Variants in NECTIN3 observed in about 807,000 individuals in gnomAD.
The protein encoded by NECTIN3 is nectin cell adhesion molecule 3.
Under a neutral mutation model 49.4 loss-of-function variants are expected in NECTIN3, and 8 were observed. The observed-to-expected ratio is 0.16, with a 90% CI of 0.10 to 0.29. The LOEUF (loss-of-function observed/expected upper bound fraction) is 0.29, where lower values mean the gene tolerates loss of function less well. NECTIN3 is among the 10% of genes least tolerant of loss of function. The probability of loss-of-function intolerance (pLI) is 1.00; values close to 1 mark genes in which losing one functional copy is unlikely to be tolerated. For synonymous variants in NECTIN3, 277 were observed against 241.1 expected, an observed-to-expected ratio of 1.15 and a Z score of -1.38; for missense variants, 581 against 654.6, an observed-to-expected ratio of 0.89 and a Z score of 1.23.
At chr3:111,143,547 T>A (rs2034801705) in intron 5 of NECTIN3, among the ~76,000 whole-genome samples, 1 of 151,984 alleles carries the variant, frequency 6.6e-6, no homozygotes, top group Admixed American at 6.6e-5. Context: ...AAAATACTTA[T>A]AAATATGTAT....
At chr3:111,171,766 TAA>T (rs1188211476) in intron 7 of NECTIN3, among the ~76,000 whole-genome samples, 1 of 148,674 alleles carries the variant, frequency 6.7e-6, no homozygotes. Flanking sequence ...CCTGGTAAGT[TAA>T]AAAAAAAAAT....
intron 7 of NECTIN3, among the ~76,000 whole-genome samples, chr3:111,165,834 G>T (rs561394264): frequency 1.3e-5 from 2 of 152,142 alleles, no homozygotes; most frequent in African/African-American, 4.8e-5. Flanking sequence ...GAAATTGCCT[G>T]GTCTGAATTG....
Position 111,116,549 on chromosome 3 carries a change from A to T in NECTIN3, c.503-2107A>T, listed in dbSNP as rs532769792. Among the ~76,000 whole-genome samples, 144 of 152,234 alleles carry T rather than the reference A, an allele frequency of 9.5e-4. 1 individual carries two copies. Among genetic ancestry groups the T allele is most frequent in the African/African-American group, 3.2e-3 (131 of 41,562 alleles). ...TTTTAGATTAGGGGTCTTTGATGAC[A>T]TTAGAGTTTCAATGGAGTGGTAGTA... On this transcript the variant is annotated intron_variant, in intron 2 of 5. Transcript: ENST00000485303.
chr3:111,120,957 G>A (rs1269599963), intron 3 of NECTIN3, among the ~76,000 whole-genome samples: 1 of 149,852 alleles, frequency 6.7e-6, no homozygotes, highest in African/African-American at 2.5e-5. Flanking sequence ...TGTATATAAA[G>A]TCTGTGTGTA....
intron 1 of NECTIN3, among the ~76,000 whole-genome samples, chr3:111,079,219 A>G (rs546381859): frequency 1.3e-5 from 2 of 152,170 alleles, no homozygotes; most frequent in South Asian, 4.1e-4. Context: ...CTTAGGCCCT[A>G]GTTTTGAAGA....
chr3:111,105,284 C>T (rs1011375142), intron 1 of NECTIN3, among the ~76,000 whole-genome samples: 1 of 151,766 alleles, frequency 6.6e-6, no homozygotes, highest in African/African-American at 2.4e-5. Flanking sequence ...CTGGGGTGAG[C>T]CACCATGCCT....
chr3:111,126,991 T>C (rs1184364552), intron 5 of NECTIN3, among the ~76,000 whole-genome samples: 1 of 152,172 alleles, frequency 6.6e-6, no homozygotes, highest in Non-Finnish European at 1.5e-5. Context: ...ATACATCTTT[T>C]CCTGGTTGTG....
intron 1 of NECTIN3, among the ~76,000 whole-genome samples, chr3:111,109,974 G>C (rs1447528197): frequency 2.6e-5 from 4 of 151,798 alleles, no homozygotes; most frequent in African/African-American, 9.7e-5. Context: ...AAATATTAAT[G>C]TTTACAAATT....
In NECTIN3 at chr3:111,137,212, T is replaced by G. The variant is rs766551978; in HGVS notation, c.*2997T>G. On this transcript the variant is annotated 3_prime_UTR_variant, in exon 6 of 6. Transcript: ENST00000485303. ...TATGAACAAGTAAGAAGTTTATGTATGAAAGTAATCAATGTAAAATATAAG... is the reference window on the plus strand; with the variant it reads ...TATGAACAAGTAAGAAGTTTATGTAGGAAAGTAATCAATGTAAAATATAAG... 2 of 937,752 alleles carry G rather than the reference T, an allele frequency of 2.1e-6. No individual in the cohort carries two copies. Among genetic ancestry groups the G allele is most frequent in the Non-Finnish European group, 2.5e-6 (2 of 786,964 alleles). 58.1% of individuals were successfully genotyped at this position (937,752 alleles called of 1,614,324 possible).
intron 7 of NECTIN3, among the ~76,000 whole-genome samples, chr3:111,158,411 TATCA>T (rs777002392): frequency 5.3e-5 from 8 of 152,092 alleles, no homozygotes; most frequent in Non-Finnish European, 1.0e-4. Context: ...TTCTTTAGAC[TATCA>T]ATCCTGTTTA....
rs768689174 is a variant in NECTIN3 at position 111,126,208 on chromosome 3, T to C, written c.942T>C (p.Gly314=). The C allele has an allele frequency of 8.7e-6, 14 of 1,600,614 alleles. No homozygotes were observed. The Admixed American group carries it at 1.2e-4, about 14-fold the overall frequency. The change falls in exon 5 of 6, where the codon GGT becomes GGC. Residue 314 remains glycine (G), a synonymous_variant. Coordinates refer to ENST00000485303, the MANE Select transcript of NECTIN3 (RefSeq NM_015480.3). The part of the protein sequence containing the change: ...WSRLDGQWPD[G]LLASDNTLHF... ...GGTTGGATGGACAATGGCCTGATGG[T>C]TTATTGGCTTCAGACAATACTCTTC...
chr3:111,193,987 T>C (rs966313215), intron 1 of NECTIN3, among the ~76,000 whole-genome samples: 11 of 152,174 alleles, frequency 7.2e-5, no homozygotes, highest in African/African-American at 2.7e-4. Flanking sequence ...TATTATGATA[T>C]ATATTCTTTG....
At chr3:111,179,953 G>C (rs988185452) in intron 7 of NECTIN3, among the ~76,000 whole-genome samples, 1 of 151,404 alleles carries the variant, frequency 6.6e-6, no homozygotes, top group Admixed American at 6.6e-5. Flanking sequence ...TGTGATGGCA[G>C]TCTGCACTGA....
chr3:111,134,951 A>G lies in NECTIN3; in HGVS notation c.*736A>G. 1 of 981,086 alleles carries G rather than the reference A, an allele frequency of 1.0e-6. No homozygotes were observed. Among genetic ancestry groups the G allele is most frequent in the Non-Finnish European group, 1.2e-6 (1 of 826,548 alleles). 60.8% of individuals were successfully genotyped at this position (981,086 alleles called of 1,614,324 possible). On this transcript the variant is annotated 3_prime_UTR_variant, in exon 6 of 6. Coordinates refer to ENST00000485303, the MANE Select transcript of NECTIN3 (RefSeq NM_015480.3). ...TACCTGCAAGAGTAATAAAATACATACCTTTCAAACATGATAATTATTAGT... is the reference window on the plus strand; with the variant it reads ...TACCTGCAAGAGTAATAAAATACATGCCTTTCAAACATGATAATTATTAGT...
intron 1 of NECTIN3, among the ~76,000 whole-genome samples, chr3:111,107,559 T>G (rs1046376260): frequency 3.3e-5 from 5 of 152,168 alleles, no homozygotes; most frequent in Admixed American, 2.0e-4. Context: ...TTCCTTTGCC[T>G]CTTTATATTC....
chr3:111,128,400 A>G (rs2034255815), intron 5 of NECTIN3, among the ~76,000 whole-genome samples: 1 of 151,984 alleles, frequency 6.6e-6, no homozygotes, highest in South Asian at 2.1e-4. Flanking sequence ...TTAATTGATA[A>G]TATCCTAAAT....
chr3:111,128,766 T>C (rs1559796940), intron 5 of NECTIN3, among the ~76,000 whole-genome samples: 2 of 152,248 alleles, frequency 1.3e-5, no homozygotes, highest in Admixed American at 1.3e-4. Context: ...ACTCTTCTAC[T>C]ACTACTACAC....
chr3:111,130,247 C>T (rs2034337596), intron 5 of NECTIN3, among the ~76,000 whole-genome samples: 1 of 148,474 alleles, frequency 6.7e-6, no homozygotes, highest in South Asian at 2.1e-4. Flanking sequence ...TGAGCCACCG[C>T]ACCTAGCCGA....
upstream of NECTIN3, among the ~76,000 whole-genome samples, chr3:111,189,197 C>T (rs1298604012): frequency 6.6e-6 from 1 of 152,140 alleles, no homozygotes; most frequent in Non-Finnish European, 1.5e-5. Flanking sequence ...ATTGCCTTTT[C>T]CTTCTAGAAG....
Sources: gnomAD v4.1 joint callset for allele counts (sites outside exome capture counted in the v4.1 genomes callset) on GRCh38, gnomAD v4.1.1 for gene constraint, MANE v1.5 for transcripts, NCBI Gene and HGNC (gene_info 2026-07-23, HGNC 2026-07-21) for gene names.